GAS2L3: variants seen among roughly 807,000 people sequenced by gnomAD.
GAS2L3 encodes the protein growth arrest specific 2 like 3.
GAS2L3 carries 28 observed loss-of-function variants against 37.0 expected under a neutral mutation model. The ratio of observed to expected loss-of-function variants is 0.76; its 90% confidence interval spans 0.56 to 1.04. The LOEUF is 1.04. Among genes scored for constraint, GAS2L3 ranks in the 50% least tolerant of loss-of-function variants. The probability of loss-of-function intolerance (pLI) is 0.00; values close to 1 mark genes in which losing one functional copy is unlikely to be tolerated. For synonymous variants in GAS2L3, 290 were observed against 296.6 expected (o/e 0.98, Z 0.23); for missense variants, 793 against 817.6 (o/e 0.97, Z 0.37).
chr12:100,623,771 A>T lies in GAS2L3; in HGVS notation c.966A>T (p.Ala322=). ...PQPPEMNPLS[A]VNMFQKQNSK... is the part of the protein sequence containing the mutation. ...CTCCTGAAATGAATCCTTTGTCAGC[A>T]GTTAACATGTTTCAGAAACAAAATT... The change falls in exon 10 of 10, where the codon GCA becomes GCT. Residue 322 remains alanine (A), a synonymous_variant. Transcript: ENST00000547754. 1 of 1,614,090 alleles carries T rather than the reference A, an allele frequency of 6.2e-7. No individual in the cohort carries two copies. The highest frequency in any genetic ancestry group is 8.5e-7 in the Non-Finnish European group (1 of 1,179,990).
intron 8 of GAS2L3, among the ~76,000 whole-genome samples, chr12:100,619,108 A>G (rs1956222979): frequency 6.6e-6 from 1 of 152,032 alleles, no homozygotes; most frequent in African/African-American, 2.4e-5. Context: ...GAGAGAATCT[A>G]GGGTGATTTC....
At chr12:100,594,477 A>G (rs1955885785) in intron 2 of GAS2L3, among the ~76,000 whole-genome samples, 1 of 152,054 alleles carries the variant, frequency 6.6e-6, no homozygotes, top group African/African-American at 2.4e-5. Context: ...ACAGTCAGAT[A>G]AAAGATACTT....
chr12:100,597,640 T>A (rs1955930278), intron 3 of GAS2L3, among the ~76,000 whole-genome samples: 3 of 152,038 alleles, frequency 2.0e-5, no homozygotes, highest in African/African-American at 7.2e-5. Context: ...TTATTTTTTA[T>A]TTTTTATTAG....
rs941885830 is a variant in GAS2L3, at chr12:100,588,754, G to A, written c.-151-2982G>A. ...CATTTATAGACCTCCCCCCAGGAAC[G>A]TATTCCTTTCCCAGGGTATTAATAT... On this transcript the variant is annotated intron_variant, in intron 1 of 9. Transcript: ENST00000547754. Among the ~76,000 whole-genome samples the A allele has an allele frequency of 8.5e-5, 13 of 152,096 alleles. No individual in the cohort carries two copies. The East Asian group carries it at 1.2e-3, about 14-fold the overall frequency.
rs770273068 is a variant in GAS2L3, at chr12:100,601,681, T to C, written c.231T>C (p.Asn77=). Residue 77 remains asparagine (N), a synonymous_variant, in exon 5 of 10, where the codon AAT becomes AAC. Transcript: ENST00000547754. ...AAAAATTATTGGAAGAACTTGATAATGGAGTACTATTATGTCAACTGATTG... is the reference window on the plus strand; with the variant it reads ...AAAAATTATTGGAAGAACTTGATAACGGAGTACTATTATGTCAACTGATTG... ...KAEKLLEELD[N]GVLLCQLIDV... is the part of the protein sequence containing the mutation. The C allele has an allele frequency of 6.2e-7, 1 of 1,602,332 alleles. No homozygotes were observed. The highest frequency in any genetic ancestry group is 1.1e-5 in the South Asian group (1 of 90,048).
rs150193301 is a variant in GAS2L3 at position 100,608,560 on chromosome 12, C to T, written c.304-3440C>T. Among the ~76,000 whole-genome samples, 294 of 152,072 alleles carry T rather than the reference C, an allele frequency of 1.9e-3. 3 individuals carry two copies. In the South Asian group the frequency reaches 0.02, roughly 10 times the overall value. ...TTTTTGAGACGGAGTCTCGCTCTGT[C>T]GCCCAGGCTGGAGTGCAGTGGCACA... On this transcript the variant is annotated intron_variant, in intron 5 of 9. Coordinates refer to ENST00000547754, the MANE Select transcript of GAS2L3 (RefSeq NM_174942.3).
chr12:100,616,290 G>C (rs1006657251), intron 6 of GAS2L3, among the ~76,000 whole-genome samples: 3 of 152,116 alleles, frequency 2.0e-5, no homozygotes, highest in Non-Finnish European at 4.4e-5. Context: ...CATTTCTAGT[G>C]TATGCAACTA....
chr12:100,581,635 A>G (rs1263325773), intron 1 of GAS2L3, among the ~76,000 whole-genome samples: 1 of 152,250 alleles, frequency 6.6e-6, no homozygotes, highest in Non-Finnish European at 1.5e-5. Flanking sequence ...CCAGTTTTTA[A>G]TATCTAGAAG....
intron 1 of GAS2L3, among the ~76,000 whole-genome samples, chr12:100,577,334 T>C (rs549549490): frequency 6.6e-6 from 1 of 152,314 alleles, no homozygotes; most frequent in Non-Finnish European, 1.5e-5. Flanking sequence ...CCATACATTC[T>C]TTTAATCTAT....
intron 1 of GAS2L3, chr12:100,579,184 T>A: frequency 1.5e-6 from 1 of 654,930 alleles, no homozygotes; most frequent in South Asian, 1.7e-5. Context: ...CAATGGGGCT[T>A]CAAACAGTCT....
chr12:100,622,354 G>A lies in GAS2L3; in HGVS notation c.728G>A (p.Arg243Gln), dbSNP rs985464909. 2.0e-5 allele frequency: 31 copies of A among 1,577,452 alleles called. No homozygotes were observed. The highest frequency in any genetic ancestry group is 2.7e-5 in the African/African-American group (2 of 74,080). The change falls in exon 9 of 10, where the codon CGA (arginine) becomes CAA (glutamine). Residue 243 changes from arginine (R) to glutamine (Q), a missense_variant. By Grantham distance (43) the Arg-to-Gln change is conservative. Coordinates refer to ENST00000547754, the MANE Select transcript of GAS2L3 (RefSeq NM_174942.3). ...GAGTATTTATCTGAAGGACGGTACC[G>A]ACTAGGGGATAAAATACTCTTTATA... ...SIEYLSEGRY[R>Q]LGDKILFIRM... is the part of the protein sequence containing the mutation.
Position 100,624,103 on chromosome 12 carries a change from G to A in GAS2L3, c.1298G>A (p.Arg433Lys), listed in dbSNP as rs531988051. Residue 433 changes from arginine (R) to lysine (K), a missense_variant, in exon 10 of 10, where the codon AGA (arginine) becomes AAA (lysine). Physicochemically the swap from Arg to Lys is conservative, Grantham distance 26. Coordinates refer to ENST00000547754, the MANE Select transcript of GAS2L3 (RefSeq NM_174942.3). ...RTAPCISESPRKCISSPNTPK... is the reference protein window; with the variant it reads ...RTAPCISESPKKCISSPNTPK... ...GCACCTTGTATATCTGAGTCACCGAGAAAATGTATTTCATCCCCCAATACC... is the reference window on the plus strand; with the variant it reads ...GCACCTTGTATATCTGAGTCACCGAAAAAATGTATTTCATCCCCCAATACC... 1 of 1,613,888 alleles carries A rather than the reference G, an allele frequency of 6.2e-7. No homozygotes were observed. The highest frequency in any genetic ancestry group is 8.5e-7 in the Non-Finnish European group (1 of 1,179,968).
chr12:100,590,790 A>T (rs1165494599), intron 1 of GAS2L3, among the ~76,000 whole-genome samples: 2 of 152,214 alleles, frequency 1.3e-5, no homozygotes, highest in Non-Finnish European at 2.9e-5. Flanking sequence ...AGTGACCTGG[A>T]TGAGATTGAA....
At chr12:100,612,293 A>G in intron 6 of GAS2L3, 152 bp downstream of exon 6, 1 of 640,100 alleles carries the variant, frequency 1.6e-6, no homozygotes, top group Non-Finnish European at 2.7e-6. Flanking sequence ...GAATTATTGG[A>G]GAATCAGATA....
In GAS2L3 at chr12:100,612,041, A is replaced by C. The variant is rs372700126; in HGVS notation, c.345A>C (p.Ala115=). 1.9e-6 allele frequency: 3 copies of C among 1,611,454 alleles called. No homozygotes were observed. Among genetic ancestry groups the C allele is most frequent in the South Asian group, 2.2e-5 (2 of 90,980 alleles). The change falls in exon 6 of 10, where the codon GCA becomes GCC. Residue 115 remains alanine, a synonymous_variant. Transcript: ENST00000547754. ...MRKVPCKKDA[A]SGSFFARDNT... is the part of the protein sequence containing the mutation. ...AAGTGCCCTGTAAGAAAGATGCTGCATCAGGTTCATTCTTTGCTCGGGACA... is the reference window on the plus strand; with the variant it reads ...AAGTGCCCTGTAAGAAAGATGCTGCCTCAGGTTCATTCTTTGCTCGGGACA...
chr12:100,609,065 C>T (rs926144957), intron 5 of GAS2L3, among the ~76,000 whole-genome samples: 16 of 152,170 alleles, frequency 1.1e-4, no homozygotes, highest in Admixed American at 8.5e-4. Context: ...GCAGTGGCCT[C>T]CCCTCTGGCC....
intron 6 of GAS2L3, among the ~76,000 whole-genome samples, chr12:100,616,205 A>T (rs925454807): frequency 1.3e-5 from 2 of 152,176 alleles, no homozygotes; most frequent in Non-Finnish European, 2.9e-5. Flanking sequence ...TTCTGTGATT[A>T]GGTTTACTTC....
intron 1 of GAS2L3, among the ~76,000 whole-genome samples, chr12:100,577,139 G>T (rs1955647283): frequency 1.3e-5 from 2 of 152,232 alleles, no homozygotes; most frequent in Admixed American, 6.5e-5. Flanking sequence ...TGTTCTACAG[G>T]TTGCTTTTGT....
At chr12:100,617,694 T>A (rs1956204204) in intron 6 of GAS2L3, 50 bp from the exon 7 acceptor site, 1 of 1,090,554 alleles carries the variant, frequency 9.2e-7, no homozygotes, top group African/African-American at 1.5e-5. Context: ...CAGAAATATG[T>A]TTCCATACTT....
Sources: allele counts gnomAD v4.1 joint callset (sites outside exome capture counted in the v4.1 genomes callset), GRCh38; gene constraint gnomAD v4.1.1; transcripts MANE v1.5; gene names NCBI Gene and HGNC (gene_info 2026-07-23, HGNC 2026-07-21).